Variants in CMSS1 observed in about 807,000 individuals in gnomAD.
CMSS1 encodes cms1 ribosomal small subunit homolog, also known as protein CMSS1.
CMSS1 carries 33 observed loss-of-function variants against 43.5 expected under a neutral mutation model. That is an observed-to-expected ratio of 0.76 (90% CI 0.57 to 1.01). The LOEUF (loss-of-function observed/expected upper bound fraction) is 1.01, where lower values mean the gene tolerates loss of function less well. Ranked by LOEUF, CMSS1 falls within the 50% of genes least tolerant of loss-of-function variation. The probability of loss-of-function intolerance (pLI) is 0.00; values close to 1 mark genes in which losing one functional copy is unlikely to be tolerated. For synonymous variants in CMSS1, 115 were observed against 117.2 expected (o/e 0.98, Z 0.12); for missense variants, 313 against 326.4 (o/e 0.96, Z 0.32).
chr3:99,882,243 C>T (rs979819354), intron 1 of CMSS1, among the ~76,000 whole-genome samples: 3 of 152,154 alleles, frequency 2.0e-5, no homozygotes, highest in Admixed American at 6.5e-5. Flanking sequence ...ACGTCCCTTT[C>T]GGTTCCAAAT....
At chr3:100,148,762 A>G (rs541845512) in intron 2 of CMSS1, among the ~76,000 whole-genome samples, 58 of 152,176 alleles carry the variant, frequency 3.8e-4, no homozygotes, top group Non-Finnish European at 6.2e-4. Flanking sequence ...TTATATTATA[A>G]TCTTTTTTAT....
At chr3:99,935,615 G>C (rs1707639507) in intron 1 of CMSS1, among the ~76,000 whole-genome samples, 1 of 152,214 alleles carries the variant, frequency 6.6e-6, no homozygotes, top group South Asian at 2.1e-4. Flanking sequence ...CCTCTACCCT[G>C]TTCCTCACCC....
At chr3:100,121,240 CT>C (rs779930157) in intron 1 of CMSS1, among the ~76,000 whole-genome samples, 88 of 151,778 alleles carry the variant, frequency 5.8e-4, no homozygotes, top group Admixed American at 2.1e-3. Context: ...TATCCCTCCC[CT>C]AGCCCCCCAC....
At chr3:100,109,662 G>T (rs750462950) in intron 1 of CMSS1, among the ~76,000 whole-genome samples, 1 of 151,958 alleles carries the variant, frequency 6.6e-6, no homozygotes, top group Non-Finnish European at 1.5e-5. Flanking sequence ...TGTTTCATTG[G>T]TATTGCTGAG....
At chr3:99,907,383 G>A (rs1290970927) in intron 1 of CMSS1, among the ~76,000 whole-genome samples, 2 of 152,112 alleles carry the variant, frequency 1.3e-5, no homozygotes, top group East Asian at 1.9e-4. Flanking sequence ...CAACAGCTGG[G>A]ACTACAGGCG....
chr3:100,006,939 G>A (rs1248333469), intron 1 of CMSS1, among the ~76,000 whole-genome samples: 2 of 152,188 alleles, frequency 1.3e-5, no homozygotes, highest in African/African-American at 4.8e-5. Flanking sequence ...GTTTTAAAAA[G>A]TGTTTTTGTT....
intron 2 of CMSS1, chr3:100,159,977 T>G (rs573655848): frequency 3.1e-5 from 14 of 454,388 alleles, no homozygotes; most frequent in Middle Eastern, 3.8e-4. Flanking sequence ...AAGGAATGTA[T>G]AATACAAAAC....
At chr3:100,097,065 C>T (rs1025026222) in intron 1 of CMSS1, among the ~76,000 whole-genome samples, 2 of 152,136 alleles carry the variant, frequency 1.3e-5, no homozygotes, top group Non-Finnish European at 2.9e-5. Flanking sequence ...GCAGGCAAGC[C>T]AGCATTACTG....
At chr3:99,852,136 C>A (rs777282187) in intron 1 of CMSS1, among the ~76,000 whole-genome samples, 5 of 152,122 alleles carry the variant, frequency 3.3e-5, no homozygotes, top group Non-Finnish European at 5.9e-5. Flanking sequence ...GTAGTGAGGT[C>A]AAAGTTTTAA....
intron 1 of CMSS1, among the ~76,000 whole-genome samples, chr3:99,979,213 C>G (rs1709051961): frequency 6.6e-6 from 1 of 152,100 alleles, no homozygotes. Flanking sequence ...TATACAATTA[C>G]CTATCAGTTT....
At chr3:100,126,533 C>G (rs568621633) in intron 1 of CMSS1, among the ~76,000 whole-genome samples, 22 of 152,276 alleles carry the variant, frequency 1.4e-4, no homozygotes, top group Admixed American at 1.4e-3. Flanking sequence ...GCCATTATAT[C>G]TTTATCATAA....
chr3:100,022,739 C>A (rs957355274), intron 1 of CMSS1, among the ~76,000 whole-genome samples: 1 of 152,154 alleles, frequency 6.6e-6, no homozygotes, highest in African/African-American at 2.4e-5. Context: ...ATGTTTCCAT[C>A]ATTTGTTCCC....
chr3:99,899,514 T>G (rs541193799), intron 1 of CMSS1, among the ~76,000 whole-genome samples: 22 of 152,316 alleles, frequency 1.4e-4, no homozygotes, highest in African/African-American at 5.3e-4. Context: ...AAGGATTTAG[T>G]TTTTTTGTGA....
rs1034065072 is a variant in CMSS1 at position 100,166,494 on chromosome 3, G to A, written c.415+100G>A. The A allele has an allele frequency of 6.9e-6, 5 of 723,206 alleles. No homozygotes were observed. In the East Asian group the frequency reaches 7.8e-5, roughly 11 times the overall value. 44.8% of individuals were successfully genotyped at this position (723,206 alleles called of 1,614,324 possible). ...CTCGTTTTTGTTTTATAACACATTAGGCCATTATTGCTCTAGGAATCCAGA... is the reference window on the plus strand; with the variant it reads ...CTCGTTTTTGTTTTATAACACATTAAGCCATTATTGCTCTAGGAATCCAGA... On this transcript the variant is annotated intron_variant, in intron 5 of 9. Transcript: ENST00000421999.
intron 1 of CMSS1, among the ~76,000 whole-genome samples, chr3:100,128,670 T>C (rs1425734441): frequency 6.6e-6 from 1 of 152,096 alleles, no homozygotes; most frequent in Admixed American, 6.5e-5. Context: ...CCCACACCCA[T>C]ATACACAGAA....
intron 1 of CMSS1, among the ~76,000 whole-genome samples, chr3:99,899,903 A>C (rs1215403526): frequency 6.6e-6 from 1 of 152,142 alleles, no homozygotes; most frequent in Non-Finnish European, 1.5e-5. Context: ...AAGTGCTTAG[A>C]GTAGGGCTTA....
rs113975747 is a variant in CMSS1 at position 100,129,258 on chromosome 3, A to G, written c.65-17715A>G. Among the ~76,000 whole-genome samples the G allele has an allele frequency of 9.5e-4, 145 of 152,328 alleles. 1 individual carries two copies. The highest frequency in any genetic ancestry group is 3.3e-3 in the African/African-American group (136 of 41,576). ...CTCGGGGCTTAGCACAGTGCCTAGT[A>G]CATAGTAGGTGCCCATTAGATTTTT... On this transcript the variant is annotated intron_variant, in intron 1 of 9. Coordinates refer to ENST00000421999, the MANE Select transcript of CMSS1 (RefSeq NM_032359.4).
intron 1 of CMSS1, among the ~76,000 whole-genome samples, chr3:99,900,844 TG>T (rs1256193511): frequency 1.9e-4 from 29 of 152,350 alleles, no homozygotes; most frequent in Admixed American, 1.6e-3. Context: ...AAAGCTTCTC[TG>T]GTGATTCTTA....
At chr3:100,082,877 T>G (rs1272056890) in intron 1 of CMSS1, among the ~76,000 whole-genome samples, 1 of 152,226 alleles carries the variant, frequency 6.6e-6, no homozygotes, top group Non-Finnish European at 1.5e-5. Flanking sequence ...TTGGGTTTAT[T>G]TTGTGAGAAT....
Sources: gnomAD v4.1 joint callset for allele counts (sites outside exome capture counted in the v4.1 genomes callset) on GRCh38, gnomAD v4.1.1 for gene constraint, MANE v1.5 for transcripts, NCBI Gene and HGNC (gene_info 2026-07-23, HGNC 2026-07-21) for gene names.